RASAL2: variants seen among roughly 807,000 people sequenced by gnomAD.
The protein encoded by RASAL2 is ras GTPase-activating protein nGAP.
Under a neutral mutation model 128.9 loss-of-function variants are expected in RASAL2, and 58 were observed. That is an observed-to-expected ratio of 0.45 (90% CI 0.36 to 0.56). The LOEUF (loss-of-function observed/expected upper bound fraction) is 0.56. Ranked by LOEUF, RASAL2 falls within the 20% of genes least tolerant of loss-of-function variation. The pLI is 0.00. For synonymous variants in RASAL2, 561 were observed against 580.8 expected (o/e 0.97, Z 0.49); for missense variants, 1,360 against 1,601.6 (o/e 0.85, Z 2.57).
intron 5 of RASAL2, among the ~76,000 whole-genome samples, chr1:178,438,155 G>T (rs1676381074): frequency 6.8e-6 from 1 of 147,898 alleles, no homozygotes; most frequent in Admixed American, 6.8e-5. Context: ...GAAAGAAGAA[G>T]AACTAAAATC....
chr1:178,240,702 G>A (rs968809703), intron 1 of RASAL2, among the ~76,000 whole-genome samples: 6 of 151,568 alleles, frequency 4.0e-5, no homozygotes, highest in Admixed American at 6.6e-5. Flanking sequence ...CATTATAATT[G>A]TAACTATATA....
chr1:178,318,496 A>G (rs928101044), intron 3 of RASAL2, among the ~76,000 whole-genome samples: 3 of 150,874 alleles, frequency 2.0e-5, no homozygotes, highest in African/African-American at 7.3e-5. Flanking sequence ...GTGCATATAT[A>G]TTTAGGATAG....
In RASAL2 at chr1:178,212,396, CT is replaced by C. The variant is rs796392558; in HGVS notation, c.203-71164del. 2.0e-5 allele frequency among the ~76,000 whole-genome samples: 3 copies of C among 152,296 alleles called. No individual in the cohort carries two copies. In the East Asian group the frequency reaches 5.8e-4, roughly 29 times the overall value. On this transcript the variant is annotated intron_variant, in intron 1 of 17. Transcript: ENST00000367649. ...GGTCTTCATATGTGAGCTTTGTGAT[CT>C]TTTAATGATCATGCCAGCTAACGGA...
In RASAL2 at chr1:178,272,928, C is replaced by A. The variant is rs543239389; in HGVS notation, c.203-10636C>A. ...GCCTGGGTGACAGAATGAGATTCCA[C>A]CTTAAAAAAAAAAAAAATCCAAATA... On this transcript the variant is annotated intron_variant, in intron 1 of 17. Coordinates refer to ENST00000367649, the MANE Select transcript of RASAL2 (RefSeq NM_170692.4). 7.3e-5 allele frequency among the ~76,000 whole-genome samples: 11 copies of A among 150,280 alleles called. No homozygotes were observed. In the East Asian group the frequency reaches 1.8e-3, roughly 24 times the overall value.
chr1:178,321,335 C>T (rs575969353), intron 3 of RASAL2, among the ~76,000 whole-genome samples: 1 of 152,116 alleles, frequency 6.6e-6, no homozygotes, highest in African/African-American at 2.4e-5. Context: ...ATCCACCCAC[C>T]TCGGCCTCCC....
At chr1:178,279,568 G>A (rs1363953164) in intron 1 of RASAL2, among the ~76,000 whole-genome samples, 2 of 151,856 alleles carry the variant, frequency 1.3e-5, no homozygotes, top group African/African-American at 4.8e-5. Context: ...TTTAGCATGT[G>A]GTCTGTGGAA....
chr1:178,473,639 G>A lies in RASAL2; in HGVS notation c.*400G>A. The A allele has an allele frequency of 4.5e-6, 1 of 221,842 alleles. No homozygotes were observed. Among genetic ancestry groups the A allele is most frequent in the Admixed American group, 5.6e-5 (1 of 17,858 alleles). The allele number at this position is 221,842 out of a possible 1,614,324, so 13.7% of individuals were successfully genotyped here. On this transcript the variant is annotated 3_prime_UTR_variant, in exon 18 of 18. Transcript: ENST00000367649. ...AGCGAGACATGAGCCTGTAGGTTCA[G>A]TAGGTAGAGACCAAGCATCTATCTG... is the stretch of plus-strand genomic sequence containing the variant.
At chr1:178,216,881 G>A (rs1663438127) in intron 1 of RASAL2, among the ~76,000 whole-genome samples, 1 of 152,182 alleles carries the variant, frequency 6.6e-6, no homozygotes, top group Admixed American at 6.5e-5. Flanking sequence ...CAAATGTGGA[G>A]GCTGTACTAA....
At chr1:178,281,280 C>A (rs1280911549) in intron 1 of RASAL2, among the ~76,000 whole-genome samples, 2 of 151,768 alleles carry the variant, frequency 1.3e-5, no homozygotes, top group African/African-American at 4.8e-5. Flanking sequence ...TTTCATTGTT[C>A]TCTATTTCTT....
chr1:178,313,878 A>G (rs1193123627), intron 3 of RASAL2, among the ~76,000 whole-genome samples: 1 of 152,228 alleles, frequency 6.6e-6, no homozygotes, highest in Non-Finnish European at 1.5e-5. Flanking sequence ...CTGACAAAAC[A>G]AGACTAAAAA....
At chr1:178,445,488 T>G in intron 8 of RASAL2, 30 bp from the exon 9 acceptor site, 1 of 1,607,828 alleles carries the variant, frequency 6.2e-7, no homozygotes, top group East Asian at 2.2e-5. Flanking sequence ...ATTCAGTTGC[T>G]TTCTGCCTGA....
Position 178,222,488 on chromosome 1 carries a change from CTG to C in RASAL2, c.203-61074_203-61073del, listed in dbSNP as rs201240419. Reference sequence around the variant, plus strand: ...AATTCAAGTCTAGTTTCAAATAACACTGTATCATTTTACAGATACTGCATGTA... The same window carrying C: ...AATTCAAGTCTAGTTTCAAATAACACTATCATTTTACAGATACTGCATGTA... On this transcript the variant is annotated intron_variant, in intron 1 of 17. Coordinates refer to ENST00000367649, the MANE Select transcript of RASAL2 (RefSeq NM_170692.4). 4.3e-4 allele frequency among the ~76,000 whole-genome samples: 66 copies of C among 152,086 alleles called. No homozygotes were observed. In the East Asian group the frequency reaches 0.01, roughly 23 times the overall value.
intron 3 of RASAL2, among the ~76,000 whole-genome samples, chr1:178,345,604 T>G (rs1019072572): frequency 1.3e-5 from 2 of 152,162 alleles, no homozygotes; most frequent in Non-Finnish European, 2.9e-5. Context: ...CTAAAATACT[T>G]CAAGTGGGTT....
chr1:178,191,718 A>G (rs1046591756), intron 1 of RASAL2, among the ~76,000 whole-genome samples: 10 of 152,218 alleles, frequency 6.6e-5, no homozygotes, highest in Admixed American at 5.9e-4. Context: ...AAGGGCCTCT[A>G]GTATAGCAAC....
At chr1:178,467,506 AG>A in intron 17 of RASAL2, 85 bp downstream of exon 17, 1 of 1,155,560 alleles carries the variant, frequency 8.7e-7, no homozygotes, top group Non-Finnish European at 1.3e-6. Context: ...ATGCCAAGGC[AG>A]GTACCCAAAA....
chr1:178,101,230 A>G (rs1398252134), intron 1 of RASAL2, among the ~76,000 whole-genome samples: 2 of 152,224 alleles, frequency 1.3e-5, no homozygotes, highest in East Asian at 3.8e-4. Context: ...TTAAAGGCAT[A>G]AAAACATTTC....
At chr1:178,168,218 T>C (rs1235379648) in intron 1 of RASAL2, among the ~76,000 whole-genome samples, 1 of 151,466 alleles carries the variant, frequency 6.6e-6, no homozygotes, top group Non-Finnish European at 1.5e-5. Flanking sequence ...AAGTTGAAAT[T>C]GAAGATAACA....
chr1:178,333,865 C>T (rs1436657995), intron 3 of RASAL2, among the ~76,000 whole-genome samples: 1 of 152,136 alleles, frequency 6.6e-6, no homozygotes, highest in Non-Finnish European at 1.5e-5. Flanking sequence ...TTTATTTTGT[C>T]TGTAGTTTCA....
At chr1:178,363,340 A>AT (rs57596206) in intron 3 of RASAL2, among the ~76,000 whole-genome samples, 4,444 of 152,120 alleles carry the variant, frequency 0.029, 84 homozygotes, top group East Asian at 0.086. Context: ...TTCTTTGCCC[A>AT]TTTTTTAATT....
Sources: allele counts gnomAD v4.1 joint callset (sites outside exome capture counted in the v4.1 genomes callset), GRCh38; gene constraint gnomAD v4.1.1; transcripts MANE v1.5; gene names NCBI Gene and HGNC (gene_info 2026-07-23, HGNC 2026-07-21).